ADK: variants seen among roughly 807,000 people sequenced by gnomAD.
ADK encodes the protein N6,N6-dimethyladenosine kinase.
Under a neutral mutation model 44.7 loss-of-function variants are expected in ADK, and 24 were observed. The ratio of observed to expected loss-of-function variants is 0.54; its 90% confidence interval spans 0.39 to 0.76. The LOEUF (loss-of-function observed/expected upper bound fraction) is 0.76, where lower values mean the gene tolerates loss of function less well. ADK is among the 30% of genes least tolerant of loss of function. ADK has a pLI of 0.00. For synonymous variants in ADK, 128 were observed against 142.6 expected, an observed-to-expected ratio of 0.90 and a Z score of 0.73; for missense variants, 321 against 425.1, an observed-to-expected ratio of 0.76 and a Z score of 2.15.
intron 3 of ADK, among the ~76,000 whole-genome samples, chr10:74,234,316 C>T (rs1312596844): frequency 6.6e-6 from 1 of 152,164 alleles, no homozygotes; most frequent in East Asian, 1.9e-4. Context: ...ATTTAATCCC[C>T]ACAGCAACTC....
At chr10:74,665,754 A>T (rs1174510800) in intron 9 of ADK, among the ~76,000 whole-genome samples, 1 of 147,012 alleles carries the variant, frequency 6.8e-6, no homozygotes, top group African/African-American at 2.6e-5. Context: ...AGAGAGAGAG[A>T]GAGAGAGAGA....
At chr10:74,265,741 C>A (rs1846190989) in intron 3 of ADK, among the ~76,000 whole-genome samples, 2 of 152,050 alleles carry the variant, frequency 1.3e-5, no homozygotes, top group Admixed American at 1.3e-4. Context: ...CATTTACCAC[C>A]AATTTTTATA....
intron 3 of ADK, among the ~76,000 whole-genome samples, chr10:74,234,147 A>G (rs1266323550): frequency 1.3e-5 from 2 of 152,244 alleles, no homozygotes; most frequent in African/African-American, 2.4e-5. Flanking sequence ...TGGGAATGAT[A>G]TAGACTTGGG....
At chr10:74,240,364 CTTTTA>C (rs1234997085) in intron 3 of ADK, among the ~76,000 whole-genome samples, 1 of 87,872 alleles carries the variant, frequency 1.1e-5, no homozygotes. Context: ...CAGTGTTTTC[CTTTTA>C]TTTTGTGTGT....
intron 10 of ADK, among the ~76,000 whole-genome samples, chr10:74,697,512 T>C (rs1856250638): frequency 1.3e-5 from 2 of 152,204 alleles, no homozygotes; most frequent in Admixed American, 1.3e-4. Flanking sequence ...GTTTAAAAAG[T>C]GCAGCTTGCT....
chr10:74,500,867 TG>T (rs1323406602), intron 6 of ADK, among the ~76,000 whole-genome samples: 3 of 152,228 alleles, frequency 2.0e-5, no homozygotes, highest in Admixed American at 2.0e-4. Flanking sequence ...AAATTATTGA[TG>T]TCTGAAAGCA....
At chr10:74,171,013 A>G (rs1390552992) in intron 1 of ADK, among the ~76,000 whole-genome samples, 2 of 152,016 alleles carry the variant, frequency 1.3e-5, no homozygotes, top group Non-Finnish European at 2.9e-5. Flanking sequence ...TTTTTTAAAC[A>G]CAGTCAAGTT....
intron 6 of ADK, among the ~76,000 whole-genome samples, chr10:74,414,722 A>G (rs2132974702): frequency 6.6e-6 from 1 of 152,336 alleles, no homozygotes; most frequent in Admixed American, 6.5e-5. Context: ...AAAAAAAAGA[A>G]AAGAAAGAAA....
At chr10:74,487,509 G>A (rs779544749) in intron 6 of ADK, among the ~76,000 whole-genome samples, 51 of 150,616 alleles carry the variant, frequency 3.4e-4, no homozygotes, top group Non-Finnish European at 6.1e-4. Flanking sequence ...GGTAGAATTT[G>A]CCAGTTTATT....
chr10:74,335,492 T>C (rs1197642879), intron 4 of ADK, among the ~76,000 whole-genome samples: 2 of 152,206 alleles, frequency 1.3e-5, no homozygotes, highest in South Asian at 2.1e-4. Flanking sequence ...TACTGCACCT[T>C]GTGTCTCTAT....
Position 74,262,225 on chromosome 10 carries a change from C to A in ADK, c.194+37634C>A, listed in dbSNP as rs1442316490. On this transcript the variant is annotated intron_variant, in intron 3 of 10. Coordinates refer to ENST00000539909, the MANE Select transcript of ADK (RefSeq NM_006721.4). ...ATCCCAGCCACGTGGGAGGCTCAGG[C>A]AGGAGAATCGCTTGAACCTGGGAGG... is the stretch of plus-strand genomic sequence containing the variant. Among the ~76,000 whole-genome samples the A allele has an allele frequency of 2.0e-5, 3 of 149,062 alleles. No homozygotes were observed. In the Admixed American group the frequency reaches 2.0e-4, roughly 10 times the overall value.
intron 6 of ADK, among the ~76,000 whole-genome samples, chr10:74,402,660 G>A (rs1040731638): frequency 2.6e-5 from 4 of 152,066 alleles, no homozygotes; most frequent in African/African-American, 9.7e-5. Flanking sequence ...TTTTTTGAAG[G>A]TTTTTAGCTT....
At chr10:74,323,095 TAA>T (rs899517215) in intron 4 of ADK, among the ~76,000 whole-genome samples, 2 of 152,198 alleles carry the variant, frequency 1.3e-5, no homozygotes, top group African/African-American at 4.8e-5. Flanking sequence ...TTTTTCTGTC[TAA>T]AAGCAAAACA....
intron 9 of ADK, among the ~76,000 whole-genome samples, chr10:74,646,203 A>G (rs1854048464): frequency 6.6e-6 from 1 of 152,206 alleles, no homozygotes; most frequent in African/African-American, 2.4e-5. Context: ...ATACAAGGAT[A>G]ATAATACAAG....
intron 7 of ADK, among the ~76,000 whole-genome samples, chr10:74,555,498 C>A (rs768342056): frequency 6.6e-6 from 1 of 151,590 alleles, no homozygotes; most frequent in Non-Finnish European, 1.5e-5. Context: ...ATAATTCCAG[C>A]ATTTTGGAAG....
chr10:74,683,153 AAGCT>A (rs1157992963), intron 10 of ADK, among the ~76,000 whole-genome samples: 1 of 152,174 alleles, frequency 6.6e-6, no homozygotes, highest in Non-Finnish European at 1.5e-5. Flanking sequence ...TGGATATTCT[AAGCT>A]AGCCAAATTG....
intron 4 of ADK, among the ~76,000 whole-genome samples, chr10:74,321,908 G>A (rs992326856): frequency 2.6e-5 from 4 of 152,116 alleles, no homozygotes; most frequent in Admixed American, 2.6e-4. Flanking sequence ...TAGGAATTAT[G>A]TTTGAATGAA....
Position 74,701,406 on chromosome 10 carries a change from G to T in ADK, c.965-6915G>T, listed in dbSNP as rs189995515. On this transcript the variant is annotated intron_variant, in intron 10 of 10. Transcript: ENST00000539909. ...AAGCAAAGAGCACAGCTGCCACCCAGATCTTGGTCTCTAATACCATTCTGT... is the reference window on the plus strand; with the variant it reads ...AAGCAAAGAGCACAGCTGCCACCCATATCTTGGTCTCTAATACCATTCTGT... 5.9e-5 allele frequency among the ~76,000 whole-genome samples: 9 copies of T among 152,286 alleles called. No individual in the cohort carries two copies. The East Asian group carries it at 1.7e-3, about 29-fold the overall frequency.
At chr10:74,272,815 T>A (rs906129803) in intron 3 of ADK, among the ~76,000 whole-genome samples, 16 of 152,182 alleles carry the variant, frequency 1.1e-4, no homozygotes, top group African/African-American at 3.4e-4. Context: ...AAGTTCAGTC[T>A]GTAGGGCTTC....
Sources: allele counts gnomAD v4.1 joint callset (sites outside exome capture counted in the v4.1 genomes callset), GRCh38; gene constraint gnomAD v4.1.1; transcripts MANE v1.5; gene names NCBI Gene and HGNC (gene_info 2026-07-23, HGNC 2026-07-21).